The following HS6ST2 variants were observed in gnomAD, a reference collection of about 807,000 sequenced individuals.
HS6ST2 encodes heparan-sulfate 6-O-sulfotransferase 2.
Under a neutral mutation model 33.0 loss-of-function variants are expected in HS6ST2, and 17 were observed. The ratio of observed to expected loss-of-function variants is 0.52; its 90% CI spans 0.35 to 0.77. The LOEUF is 0.77. Among genes scored for constraint, HS6ST2 ranks in the 30% least tolerant of loss-of-function variants. HS6ST2 has a pLI of 0.01. For missense variants in HS6ST2, 519 were observed against 551.7 expected, an observed-to-expected ratio of 0.94 and a Z score of 0.59; for synonymous variants, 248 against 237.1, an observed-to-expected ratio of 1.05 and a Z score of -0.42.
chrX:132,935,296 A>G (rs1180415744), intron 2 of HS6ST2, among the ~76,000 whole-genome samples: 1 of 67,957 alleles, frequency 1.5e-5, no homozygotes, highest in Non-Finnish European at 2.7e-5. Context: ...CCAACAGCAA[A>G]ATAGTCTTCT....
At chrX:132,959,069 T>C (rs1231980343), upstream of HS6ST2, among the ~76,000 whole-genome samples, 1 of 111,497 alleles carries the variant, frequency 9.0e-6, no homozygotes, top group Non-Finnish European at 1.9e-5. Flanking sequence ...AGTGAGACCG[T>C]CTAATCCAAG....
chrX:132,896,825 T>C lies in HS6ST2; in HGVS notation c.947+59983A>G, dbSNP rs985240942. Among the ~76,000 whole-genome samples the C allele has an allele frequency of 7.1e-5, 8 of 112,006 alleles. No homozygotes were observed. In the South Asian group the frequency reaches 3.0e-3, roughly 42 times the overall value. ...TAGGAACTCAGTAAATATTCTATGA[T>C]TGGGAATTTTGAGCAGGTTATAATA... On this transcript the variant is annotated intron_variant, in intron 2 of 4. Coordinates refer to ENST00000370833, the MANE Select transcript of HS6ST2 (RefSeq NM_001394073.1).
Position 132,712,235 on chromosome X carries a change from A to C in HS6ST2, c.948-3741T>G, listed in dbSNP as rs973119124. Among the ~76,000 whole-genome samples, 5 of 111,640 alleles carry C rather than the reference A, an allele frequency of 4.5e-5. No individual in the cohort carries two copies. In the South Asian group the frequency reaches 1.2e-3, roughly 26 times the overall value. ...GAATTTCCACGTTCTCCCATGTAGA[A>C]TGCCCTTCCACCATCATTCTGGTCT... On this transcript the variant is annotated intron_variant, in intron 2 of 4. Coordinates refer to ENST00000370833, the MANE Select transcript of HS6ST2 (RefSeq NM_001394073.1).
intron 2 of HS6ST2, among the ~76,000 whole-genome samples, chrX:132,821,546 C>T (rs1464573844): frequency 9.1e-6 from 1 of 110,342 alleles, no homozygotes; most frequent in African/African-American, 3.3e-5. Flanking sequence ...GAAGAGGCAT[C>T]TGAGTGATCC....
chrX:132,942,399 G>A (rs1273146353), intron 2 of HS6ST2, among the ~76,000 whole-genome samples: 1 of 111,584 alleles, frequency 9.0e-6, no homozygotes, highest in Non-Finnish European at 1.9e-5. Flanking sequence ...AGGCTGGTAG[G>A]CCCATGCTAA....
chrX:132,691,873 T>C (rs1220709470), intron 3 of HS6ST2, among the ~76,000 whole-genome samples: 1 of 111,866 alleles, frequency 8.9e-6, no homozygotes, highest in East Asian at 2.8e-4. Context: ...TCTGACAAGG[T>C]ACAACATCAT....
chrX:132,883,575 C>G (rs958042829), intron 2 of HS6ST2, among the ~76,000 whole-genome samples: 4 of 111,071 alleles, frequency 3.6e-5, no homozygotes, highest in African/African-American at 1.3e-4. Flanking sequence ...ATAAGTAACT[C>G]CATCTTAGAA....
chrX:132,729,549 C>T (rs953854045), intron 2 of HS6ST2, among the ~76,000 whole-genome samples: 4 of 111,395 alleles, frequency 3.6e-5, no homozygotes, highest in Non-Finnish European at 5.7e-5. Context: ...ATACTTCAAC[C>T]GAAACAACAT....
chrX:132,632,369 G>A (rs1168162016), intron 4 of HS6ST2, among the ~76,000 whole-genome samples: 2 of 111,593 alleles, frequency 1.8e-5, no homozygotes, highest in Non-Finnish European at 1.9e-5. Flanking sequence ...ATTTCATGGT[G>A]TGTTGGAAGT....
chrX:132,794,778 A>G (rs1008035800), intron 2 of HS6ST2, among the ~76,000 whole-genome samples: 3 of 110,757 alleles, frequency 2.7e-5, no homozygotes, highest in Non-Finnish European at 5.7e-5. Flanking sequence ...GGATTATGCT[A>G]GTCACTGTGC....
At chrX:132,856,902 T>C (rs1348039910) in intron 2 of HS6ST2, among the ~76,000 whole-genome samples, 1 of 112,094 alleles carries the variant, frequency 8.9e-6, no homozygotes, top group East Asian at 2.8e-4. Flanking sequence ...AATTTTGTCC[T>C]GAGTATTTAT....
At chrX:132,720,224 G>A (rs1277265290) in intron 2 of HS6ST2, among the ~76,000 whole-genome samples, 2 of 112,439 alleles carry the variant, frequency 1.8e-5, no homozygotes, top group Non-Finnish European at 3.8e-5. Context: ...ATTGCTAATT[G>A]TATAAGTGGC....
intron 2 of HS6ST2, among the ~76,000 whole-genome samples, chrX:132,767,190 G>A (rs191761716): frequency 7.5e-4 from 84 of 112,346 alleles, no homozygotes; most frequent in Non-Finnish European, 1.1e-3. Context: ...AAGGGGCAAC[G>A]CCACCGCTGC....
chrX:132,904,043 GTCTCCACT>G (rs2066449269), intron 2 of HS6ST2, among the ~76,000 whole-genome samples: 1 of 111,368 alleles, frequency 9.0e-6, no homozygotes, highest in South Asian at 3.8e-4. Context: ...TCACCAAGAG[GTCTCCACT>G]TCTTCACTTT....
Position 132,958,370 on chromosome X carries a change from AG to A in HS6ST2, c.232del (p.Leu78TrpfsTer49). The A allele has an allele frequency of 2.5e-6, 3 of 1,199,309 alleles. No individual in the cohort carries two copies. Among genetic ancestry groups the A allele is most frequent in the Non-Finnish European group, 3.4e-6 (3 of 893,250 alleles). On this transcript the variant is annotated frameshift_variant, in exon 1 of 5. Coordinates refer to ENST00000370833, the MANE Select transcript of HS6ST2 (RefSeq NM_001394073.1). LOFTEE classifies it high-confidence loss of function. ...LDKPRKASSS[L>X]AGAACAPLFA... ...AAGCGGGGCGCACGCGGCTCCCGCCAGGGAAGAAGACGCCTTTCGGGGCTTG... is the reference window on the plus strand; with the variant it reads ...AAGCGGGGCGCACGCGGCTCCCGCCAGGAAGAAGACGCCTTTCGGGGCTTG...
At chrX:132,854,263 ACT>A (rs2065831308) in intron 2 of HS6ST2, among the ~76,000 whole-genome samples, 1 of 112,323 alleles carries the variant, frequency 8.9e-6, no homozygotes, top group Non-Finnish European at 1.9e-5. Flanking sequence ...GTTTGAGGAG[ACT>A]CAGACTTAAT....
chrX:132,640,853 T>C (rs1212763254), intron 4 of HS6ST2, among the ~76,000 whole-genome samples: 6 of 112,559 alleles, frequency 5.3e-5, no homozygotes, highest in Middle Eastern at 4.6e-3. Flanking sequence ...TAAAATTACA[T>C]AGGTGACTTG....
intron 2 of HS6ST2, among the ~76,000 whole-genome samples, chrX:132,746,238 G>C (rs1461792090): frequency 9.0e-6 from 1 of 111,491 alleles, no homozygotes; most frequent in Non-Finnish European, 1.9e-5. Context: ...GGGCGGCCGG[G>C]CACGGTGTAA....
chrX:132,704,353 A>G (rs1048118650), intron 3 of HS6ST2, among the ~76,000 whole-genome samples: 8 of 111,979 alleles, frequency 7.1e-5, no homozygotes, highest in Admixed American at 5.7e-4. Flanking sequence ...TCAGGAGTCC[A>G]AGACCAGCCT....
Sources: gnomAD v4.1 joint callset for allele counts (sites outside exome capture counted in the v4.1 genomes callset) on GRCh38, gnomAD v4.1.1 for gene constraint, MANE v1.5 for transcripts, NCBI Gene and HGNC (gene_info 2026-07-23, HGNC 2026-07-21) for gene names.